The following APCDD1L variants were observed in gnomAD, a reference collection of about 807,000 sequenced individuals.
APCDD1L encodes the protein protein APCDD1-like.
In APCDD1L, 21 loss-of-function variants were observed where a neutral mutation model predicts 24.2. That is an observed-to-expected ratio of 0.87 (90% CI 0.61 to 1.25). The LOEUF is 1.25. Ranked by LOEUF, APCDD1L falls within the 50% of genes most tolerant of loss-of-function variation. The pLI, the probability that APCDD1L is intolerant of heterozygous loss-of-function variation, is 0.00. For synonymous variants in APCDD1L, 321 were observed against 323.6 expected (o/e 0.99, Z 0.09); for missense variants, 704 against 711.7 (o/e 0.99, Z 0.12).
chr20:58,489,747 A>G (rs187324362), intron 1 of APCDD1L, among the ~76,000 whole-genome samples: 178 of 152,146 alleles, frequency 1.2e-3, no homozygotes, highest in Admixed American at 4.3e-3. Flanking sequence ...TCCAGAAAGT[A>G]GAAAAAGGGT....
chr20:58,488,071 A>G (rs1375127115), intron 1 of APCDD1L, among the ~76,000 whole-genome samples: 1 of 152,172 alleles, frequency 6.6e-6, no homozygotes, highest in Admixed American at 6.5e-5. Flanking sequence ...ACCTGCAGTC[A>G]ACCATGATCT....
chr20:58,489,941 A>G (rs58027871), intron 1 of APCDD1L, among the ~76,000 whole-genome samples: 6,251 of 152,266 alleles, frequency 0.041, 438 homozygotes, highest in East Asian at 0.35. Flanking sequence ...TACACATTTT[A>G]TAAAGCTGAC....
chr20:58,476,713 A>G (rs866415161), intron 1 of APCDD1L, among the ~76,000 whole-genome samples: 6 of 152,204 alleles, frequency 3.9e-5, no homozygotes, highest in African/African-American at 1.2e-4. Flanking sequence ...TCAATATCCA[A>G]GCTTTCTTGT....
intron 1 of APCDD1L, among the ~76,000 whole-genome samples, chr20:58,511,455 G>A (rs776618636): frequency 2.6e-5 from 4 of 152,162 alleles, no homozygotes; most frequent in Admixed American, 6.5e-5. Flanking sequence ...CCAATATATT[G>A]CAAAAATATT....
chr20:58,461,715 C>G lies in APCDD1L; in HGVS notation c.742-161G>C, dbSNP rs1359085528. On this transcript the variant is annotated intron_variant, in intron 3 of 3. Coordinates refer to ENST00000371149, the MANE Select transcript of APCDD1L (RefSeq NM_153360.3). The surrounding 1 kb of genome is among the most constrained non-coding windows in gnomAD (Gnocchi z 6.0). ...CACTCCCTGCCTTCAGTCAGGACGA[C>G]CTCCTTGCTTCAGCCAGGATGGCCT... 4 of 714,828 alleles carry G rather than the reference C, an allele frequency of 5.6e-6. No individual in the cohort carries two copies. In the East Asian group the frequency reaches 1.3e-4, roughly 24 times the overall value. The allele number at this position is 714,828 out of a possible 1,614,324, so 44.3% of individuals were successfully genotyped here. A position where few individuals can be genotyped will look rare whatever the true frequency, so the allele number is the denominator to read the frequency against.
chr20:58,466,770 A>G (rs1030740590), intron 3 of APCDD1L, among the ~76,000 whole-genome samples: 2 of 152,152 alleles, frequency 1.3e-5, no homozygotes, highest in African/African-American at 2.4e-5. Context: ...CCGAGAACTA[A>G]GGGAGGGGGA....
intron 1 of APCDD1L, among the ~76,000 whole-genome samples, chr20:58,512,169 A>G (rs1990641533): frequency 6.6e-6 from 1 of 152,226 alleles, no homozygotes; most frequent in Non-Finnish European, 1.5e-5. Context: ...GGGAGAGCAA[A>G]TGGGAAAAAT....
At position 58,461,507 on chromosome 20, in the gene APCDD1L, A is replaced by C. The variant is rs551734828; in HGVS notation, c.789T>G (p.Asp263Glu). 1 of 1,451,566 alleles carries C rather than the reference A, an allele frequency of 6.9e-7. No homozygotes were observed. The highest frequency in any genetic ancestry group is 1.5e-5 in the South Asian group (1 of 67,550). The allele number at this position is 1,451,566 out of a possible 1,614,324, so 89.9% of individuals were successfully genotyped here. A position where few individuals can be genotyped will look rare whatever the true frequency, so the allele number is the denominator to read the frequency against. ...CPACGLIARS[D>E]VHHPPVLPPP... Reference sequence around the variant, plus strand: ...GCGGCAGCACGGGCGGGTGGTGCACATCGGAGCGGGCAATGAGGCCACAGG... The same window carrying C: ...GCGGCAGCACGGGCGGGTGGTGCACCTCGGAGCGGGCAATGAGGCCACAGG... The change falls in exon 4 of 4, where the codon GAT (aspartate) becomes GAG (glutamate). Residue 263 changes from aspartate to glutamate, a missense_variant. By Grantham distance (45) the Asp-to-Glu change is conservative. Coordinates refer to ENST00000371149, the MANE Select transcript of APCDD1L (RefSeq NM_153360.3). This position sits in a 1 kb window ranked among gnomAD's most constrained non-coding sequence, Gnocchi z 6.0.
intron 1 of APCDD1L, chr20:58,513,746 A>T (rs1016359696): frequency 3.9e-6 from 2 of 515,950 alleles, no homozygotes; most frequent in South Asian, 3.2e-5. Flanking sequence ...TCCCAGACGG[A>T]GGAGGGGATT....
chr20:58,482,594 G>A (rs1568742530), intron 1 of APCDD1L, among the ~76,000 whole-genome samples: 1 of 152,072 alleles, frequency 6.6e-6, no homozygotes, highest in Admixed American at 6.5e-5. Context: ...TGACCACAGC[G>A]GGTGAGTCAT....
chr20:58,487,295 T>C (rs1990136971), intron 1 of APCDD1L, among the ~76,000 whole-genome samples: 1 of 152,068 alleles, frequency 6.6e-6, no homozygotes, highest in Non-Finnish European at 1.5e-5. Flanking sequence ...AATTAAGATA[T>C]TATAATTTCA....
In APCDD1L at chr20:58,476,425, G is replaced by A. The variant is rs572893737; in HGVS notation, c.50-5678C>T. Among the ~76,000 whole-genome samples the A allele has an allele frequency of 6.6e-5, 10 of 152,278 alleles. No homozygotes were observed. The South Asian group carries it at 1.9e-3, about 28-fold the overall frequency. ...AGGATGATCTTGATCTCCTGACCTC[G>A]TGATCCACCCACCTTGGCTTCCCAA... On this transcript the variant is annotated intron_variant, in intron 1 of 3. Coordinates refer to ENST00000371149, the MANE Select transcript of APCDD1L (RefSeq NM_153360.3).
chr20:58,514,450 C>T (rs1337348842), intron 1 of APCDD1L, among the ~76,000 whole-genome samples: 4 of 152,192 alleles, frequency 2.6e-5, no homozygotes, highest in African/African-American at 9.7e-5. Flanking sequence ...CGAGGTGACG[C>T]GACTCCCTCC....
At chr20:58,511,784 C>T (rs1005210214) in intron 1 of APCDD1L, among the ~76,000 whole-genome samples, 5 of 152,048 alleles carry the variant, frequency 3.3e-5, no homozygotes, top group African/African-American at 4.8e-5. Flanking sequence ...GGCAGAGCTC[C>T]ACATCAACTA....
intron 1 of APCDD1L, among the ~76,000 whole-genome samples, chr20:58,493,809 A>G (rs1990268694): frequency 6.6e-6 from 1 of 152,222 alleles, no homozygotes; most frequent in Non-Finnish European, 1.5e-5. Context: ...GGGTGTCCAC[A>G]TTATGTTCAC....
intron 1 of APCDD1L, among the ~76,000 whole-genome samples, chr20:58,490,893 G>T (rs961374123): frequency 2.6e-5 from 4 of 152,140 alleles, no homozygotes; most frequent in Admixed American, 6.5e-5. Flanking sequence ...TGTGAAAGTC[G>T]TAAGTAAAAT....
rs1555819783 is a variant in APCDD1L at position 58,463,900 on chromosome 20, G to GGGA, written c.742-2347_742-2346insTCC. 2.2e-5 allele frequency among the ~76,000 whole-genome samples: 3 copies of GGGA among 136,870 alleles called. No individual in the cohort carries two copies. The East Asian group carries it at 7.5e-4, about 34-fold the overall frequency. The allele number at this position is 136,870 out of a possible 152,430, so 89.8% of individuals were successfully genotyped here. A position where few individuals can be genotyped will look rare whatever the true frequency, so the allele number is the denominator to read the frequency against. ...ATTGAGAACAGTTTTTTTTTGGGGG[G>GGGA]GGGGGGCGTCACATTTTATAAGCTG... On this transcript the variant is annotated intron_variant, in intron 3 of 3. Transcript: ENST00000371149.
chr20:58,514,638 G>T, intron 1 of APCDD1L, 21 bp downstream of exon 1: 1 of 1,313,224 alleles, frequency 7.6e-7, no homozygotes, highest in Non-Finnish European at 9.8e-7. Flanking sequence ...AGTTTGCCGG[G>T]TGGGGGAGGG....
At chr20:58,483,722 C>T (rs578260900) in intron 1 of APCDD1L, among the ~76,000 whole-genome samples, 35 of 152,276 alleles carry the variant, frequency 2.3e-4, no homozygotes, top group Middle Eastern at 3.4e-3. Context: ...AGGATGATGT[C>T]GTGCACATTT....
Sources: gnomAD v4.1 joint callset for allele counts (sites outside exome capture counted in the v4.1 genomes callset) on GRCh38, gnomAD v4.1.1 for gene constraint, Gnocchi (gnomAD v3.1) non-coding constraint, MANE v1.5 for transcripts, NCBI Gene and HGNC (gene_info 2026-07-23, HGNC 2026-07-21) for gene names.